The following ZFYVE28 variants were observed in gnomAD, a reference collection of about 807,000 sequenced individuals.
ZFYVE28 encodes lateral signaling target protein 2 homolog.
Under a neutral mutation model 82.1 loss-of-function variants are expected in ZFYVE28, and 40 were observed. That is an observed-to-expected ratio of 0.49 (90% CI 0.38 to 0.63). The LOEUF (loss-of-function observed/expected upper bound fraction) is 0.63, where lower values mean the gene tolerates loss of function less well. Among genes scored for constraint, ZFYVE28 ranks in the 30% least tolerant of loss-of-function variants. ZFYVE28 has a pLI of 0.00. For synonymous variants in ZFYVE28, 612 were observed against 546.1 expected (o/e 1.12, Z -1.68); for missense variants, 1,321 against 1,242.1 (o/e 1.06, Z -0.96).
At chr4:2,345,895 A>G (rs1481816894) in intron 2 of ZFYVE28, among the ~76,000 whole-genome samples, 3 of 152,156 alleles carry the variant, frequency 2.0e-5, no homozygotes, top group Non-Finnish European at 4.4e-5. Context: ...ACATCTTTAA[A>G]GTATTAAGGG....
intron 2 of ZFYVE28, among the ~76,000 whole-genome samples, chr4:2,350,530 C>G (rs1446687934): frequency 6.6e-6 from 1 of 152,114 alleles, no homozygotes; most frequent in Non-Finnish European, 1.5e-5. Flanking sequence ...CTTCCCATTT[C>G]CTGACATACA....
intron 12 of ZFYVE28, 199 bp downstream of exon 12, chr4:2,271,112 T>A: frequency 1.4e-6 from 1 of 734,306 alleles, no homozygotes; most frequent in Non-Finnish European, 2.2e-6. Context: ...CAGCCGGGAC[T>A]GGACATGGGC....
rs1251213126 is a variant in ZFYVE28 at position 2,394,778 on chromosome 4, G to A, written c.39+23507C>T. 1.3e-5 allele frequency among the ~76,000 whole-genome samples: 2 copies of A among 152,220 alleles called. No individual in the cohort carries two copies. The highest frequency in any genetic ancestry group is 4.8e-5 in the African/African-American group (2 of 41,452). ...TGCGTGCTTCCATTACACTGTCGGCGGTCAGAGGCGTCCTCGTCCTTGCAG... is the reference window on the plus strand; with the variant it reads ...TGCGTGCTTCCATTACACTGTCGGCAGTCAGAGGCGTCCTCGTCCTTGCAG... On this transcript the variant is annotated intron_variant, in intron 1 of 12. Transcript: ENST00000290974. The surrounding 1 kb of genome is among the most constrained non-coding windows in gnomAD (Gnocchi z 4.0).
chr4:2,399,055 T>G (rs1262225733), intron 1 of ZFYVE28, among the ~76,000 whole-genome samples: 18 of 84,044 alleles, frequency 2.1e-4, no homozygotes, highest in African/African-American at 4.5e-4. Flanking sequence ...GGCACAAGCG[T>G]GGAGGTGAGA....
intron 8 of ZFYVE28, among the ~76,000 whole-genome samples, chr4:2,279,919 G>C (rs1229016138): frequency 2.0e-5 from 3 of 152,212 alleles, no homozygotes. Context: ...ACTGCTGATG[G>C]GGAGGGTTTT....
At position 2,339,452 on chromosome 4, in the gene ZFYVE28, C is replaced by T; in HGVS notation, c.521+1G>A. The T allele has an allele frequency of 1.2e-6, 2 of 1,613,406 alleles. No homozygotes were observed. The highest frequency in any genetic ancestry group is 1.7e-6 in the Non-Finnish European group (2 of 1,179,794). The stretch of plus-strand genomic sequence containing the variant: ...GGGCTGTGGACCCACAGCTGCAGTA[C>T]CTGAGCTCAAACTCTGCGAACAGGA... On this transcript the variant is annotated splice_donor_variant, in intron 4 of 12. Coordinates refer to ENST00000290974, the MANE Select transcript of ZFYVE28 (RefSeq NM_020972.3). LOFTEE classifies it high-confidence loss of function. This position sits in a 1 kb window ranked among gnomAD's most constrained non-coding sequence, Gnocchi z 5.0.
In ZFYVE28 at chr4:2,408,678, T is replaced by C. The variant is rs896807165; in HGVS notation, c.39+9607A>G. ...CCAGATAGAGTCCCGCCCAGATGAG[T>C]ACCACCCAGGTAAGCCTGCCTAGAT... On this transcript the variant is annotated intron_variant, in intron 1 of 12. Transcript: ENST00000290974. The surrounding 1 kb of genome is among the most constrained non-coding windows in gnomAD (Gnocchi z 4.3). Among the ~76,000 whole-genome samples, 22 of 151,384 alleles carry C rather than the reference T, an allele frequency of 1.5e-4. No homozygotes were observed. Among genetic ancestry groups the C allele is most frequent in the African/African-American group, 5.3e-4 (22 of 41,196 alleles).
chr4:2,271,534 C>A (rs1420669962), intron 11 of ZFYVE28, 120 bp from the exon 12 acceptor site: 9 of 1,421,080 alleles, frequency 6.3e-6, no homozygotes, highest in Non-Finnish European at 8.9e-6. Context: ...CTCCAGCCAG[C>A]CTCCGGGGGG....
At chr4:2,343,182 C>T (rs1442039104) in intron 2 of ZFYVE28, 1 of 152,188 alleles carries the variant, frequency 6.6e-6, no homozygotes, top group Non-Finnish European at 1.5e-5. Context: ...GTGTGGATTA[C>T]TTCCTTAGGA....
intron 1 of ZFYVE28, among the ~76,000 whole-genome samples, chr4:2,413,133 G>C (rs73074345): frequency 0.044 from 6,752 of 152,254 alleles, 522 homozygotes; most frequent in African/African-American, 0.15. Context: ...TGCAAATGCC[G>C]CTGGCACAAG....
chr4:2,414,699 G>A (rs1732858488), intron 1 of ZFYVE28, among the ~76,000 whole-genome samples: 1 of 152,150 alleles, frequency 6.6e-6, no homozygotes, highest in African/African-American at 2.4e-5. Flanking sequence ...CTTTGGTGAT[G>A]GCCAGGAAAT....
In ZFYVE28 at chr4:2,274,258, A is replaced by C. The variant is rs749883156; in HGVS notation, c.2052-42T>G. 3 of 1,594,624 alleles carry C rather than the reference A, an allele frequency of 1.9e-6. No individual in the cohort carries two copies. The East Asian group carries it at 6.8e-5, about 36-fold the overall frequency. On this transcript the variant is annotated intron_variant, in intron 8 of 12. Transcript: ENST00000290974. Reference sequence around the variant, plus strand: ...ATACCGGTGTGTGGGGTGGGGCATGATAAGGGGCCGTGGAGCCCGAAGGTC... The same window carrying C: ...ATACCGGTGTGTGGGGTGGGGCATGCTAAGGGGCCGTGGAGCCCGAAGGTC...
intron 1 of ZFYVE28, among the ~76,000 whole-genome samples, chr4:2,404,046 C>G (rs1731506798): frequency 1.3e-5 from 2 of 150,806 alleles, no homozygotes; most frequent in South Asian, 4.2e-4. Flanking sequence ...ATGGGCCGGG[C>G]ATGGTGGCTC....
At chr4:2,397,233 A>G (rs902430200) in intron 1 of ZFYVE28, among the ~76,000 whole-genome samples, 1 of 152,092 alleles carries the variant, frequency 6.6e-6, no homozygotes, top group African/African-American at 2.4e-5. Flanking sequence ...GCACTTTGGG[A>G]GGCCAAGGTG....
At chr4:2,310,275 G>A (rs1031837418) in intron 7 of ZFYVE28, among the ~76,000 whole-genome samples, 1 of 152,130 alleles carries the variant, frequency 6.6e-6, no homozygotes, top group Non-Finnish European at 1.5e-5. Context: ...CTGGGCTCAA[G>A]CGATCCTCCT....
chr4:2,405,852 A>G (rs1731832946), intron 1 of ZFYVE28, among the ~76,000 whole-genome samples: 3 of 152,060 alleles, frequency 2.0e-5, no homozygotes, highest in African/African-American at 4.8e-5. Flanking sequence ...GTTCGAGACC[A>G]CCCTGGCCAA....
chr4:2,283,750 C>T (rs1712320257), intron 8 of ZFYVE28, among the ~76,000 whole-genome samples: 1 of 152,168 alleles, frequency 6.6e-6, no homozygotes, highest in African/African-American at 2.4e-5. Context: ...GAGGAACCAT[C>T]AAGGGTGTTG....
chr4:2,272,558 GTGTGCACGTGTA>G (rs1736007872), intron 10 of ZFYVE28, among the ~76,000 whole-genome samples: 1 of 152,210 alleles, frequency 6.6e-6, no homozygotes, highest in African/African-American at 2.4e-5. Context: ...GTGAGTACAT[GTGTGCACGTGTA>G]TGTGCACGTG....
At chr4:2,316,313 C>T (rs1718201404) in intron 7 of ZFYVE28, 1 of 152,234 alleles carries the variant, frequency 6.6e-6, no homozygotes, top group Non-Finnish European at 1.5e-5. Flanking sequence ...CCATTTCTGA[C>T]CTGGGCAGGT....
Sources: gnomAD v4.1 joint callset for allele counts (sites outside exome capture counted in the v4.1 genomes callset) on GRCh38, gnomAD v4.1.1 for gene constraint, Gnocchi (gnomAD v3.1) non-coding constraint, MANE v1.5 for transcripts, NCBI Gene and HGNC (gene_info 2026-07-23, HGNC 2026-07-21) for gene names.